Variants in ARHGAP6 observed in about 807,000 individuals in gnomAD.
The protein encoded by ARHGAP6 is Rho GTPase activating protein 6.
ARHGAP6 carries 16 observed loss-of-function variants against 55.7 expected under a neutral mutation model. The ratio of observed to expected loss-of-function variants is 0.29; its 90% CI spans 0.19 to 0.44. ARHGAP6 has a LOEUF of 0.44. Ranked by LOEUF, ARHGAP6 falls within the 20% of genes least tolerant of loss-of-function variation. ARHGAP6 has a pLI of 1.00. For missense variants in ARHGAP6, 698 were observed against 808.9 expected (o/e 0.86, Z 1.66); for synonymous variants, 382 against 360.9 (o/e 1.06, Z -0.66).
chrX:11,416,527 A>C (rs1264907626), intron 1 of ARHGAP6, among the ~76,000 whole-genome samples: 1 of 111,252 alleles, frequency 9.0e-6, no homozygotes, highest in South Asian at 3.9e-4. Flanking sequence ...CCCGATGATA[A>C]GGTTTCACTC....
At chrX:11,463,688 T>C (rs775882457) in intron 1 of ARHGAP6, among the ~76,000 whole-genome samples, 9 of 111,777 alleles carry the variant, frequency 8.1e-5, no homozygotes, top group Non-Finnish European at 1.1e-4. Flanking sequence ...CATGAGTGTG[T>C]CCCCCTGGGA....
At chrX:11,174,103 A>C (rs754028064) in intron 8 of ARHGAP6, among the ~76,000 whole-genome samples, 71 of 112,153 alleles carry the variant, frequency 6.3e-4, no homozygotes, top group African/African-American at 2.2e-3. Flanking sequence ...CTACCTGCTC[A>C]TGCCAAATCA....
chrX:11,503,901 C>T (rs1287099813), intron 1 of ARHGAP6, among the ~76,000 whole-genome samples: 1 of 111,612 alleles, frequency 9.0e-6, no homozygotes, highest in Non-Finnish European at 1.9e-5. Flanking sequence ...CATGCACACA[C>T]ACATCTGTGT....
intron 1 of ARHGAP6, among the ~76,000 whole-genome samples, chrX:11,291,064 A>G (rs960188703): frequency 1.8e-5 from 2 of 112,443 alleles, no homozygotes; most frequent in Non-Finnish European, 3.8e-5. Flanking sequence ...CCTACTACAA[A>G]AAAATGAGCA....
At chrX:11,619,040 T>G (rs1294188868) in intron 1 of ARHGAP6, among the ~76,000 whole-genome samples, 1 of 111,980 alleles carries the variant, frequency 8.9e-6, no homozygotes, top group Non-Finnish European at 1.9e-5. Context: ...AGTAAAAGTT[T>G]TTTTGAAAAA....
At chrX:11,391,394 C>T (rs1603168184) in intron 1 of ARHGAP6, among the ~76,000 whole-genome samples, 1 of 109,813 alleles carries the variant, frequency 9.1e-6, no homozygotes, top group East Asian at 2.8e-4. Context: ...AGCACAGAAA[C>T]ATGGCACATG....
At chrX:11,353,680 A>G (rs1221247268) in intron 1 of ARHGAP6, among the ~76,000 whole-genome samples, 1 of 109,475 alleles carries the variant, frequency 9.1e-6, no homozygotes, top group Non-Finnish European at 1.9e-5. Flanking sequence ...CCGATTTAGG[A>G]TAAGGAGTTT....
At chrX:11,572,001 C>G (rs2051524607) in intron 1 of ARHGAP6, among the ~76,000 whole-genome samples, 1 of 110,736 alleles carries the variant, frequency 9.0e-6, no homozygotes, top group South Asian at 3.9e-4. Flanking sequence ...CTCACAGCCT[C>G]TCAAAGCTGA....
At chrX:11,564,225 C>G (rs1028944039) in intron 1 of ARHGAP6, among the ~76,000 whole-genome samples, 1 of 111,495 alleles carries the variant, frequency 9.0e-6, no homozygotes, top group African/African-American at 3.2e-5. Context: ...GCATGTTAAT[C>G]ATTATAAAAG....
At chrX:11,452,280 T>C (rs2050150389) in intron 1 of ARHGAP6, among the ~76,000 whole-genome samples, 1 of 111,951 alleles carries the variant, frequency 8.9e-6, no homozygotes, top group African/African-American at 3.2e-5. Flanking sequence ...CCTGAGTAGC[T>C]GAGATTACAG....
intron 1 of ARHGAP6, among the ~76,000 whole-genome samples, chrX:11,349,437 G>C (rs1434262189): frequency 9.0e-6 from 1 of 111,427 alleles, no homozygotes; most frequent in African/African-American, 3.3e-5. Flanking sequence ...CATCAGGGCA[G>C]GGGTTTGTGT....
At chrX:11,200,988 G>A (rs751501946) in intron 2 of ARHGAP6, among the ~76,000 whole-genome samples, 16 of 112,072 alleles carry the variant, frequency 1.4e-4, no homozygotes, top group African/African-American at 3.2e-4. Context: ...CTCTTCCGGG[G>A]TGCTGAGCAT....
chrX:11,347,688 T>C (rs1235484586), intron 1 of ARHGAP6, among the ~76,000 whole-genome samples: 1 of 112,288 alleles, frequency 8.9e-6, no homozygotes, highest in Non-Finnish European at 1.9e-5. Flanking sequence ...GAAATGTCCA[T>C]GGCATTCCCA....
chrX:11,320,502 T>C (rs1160978129), intron 1 of ARHGAP6, among the ~76,000 whole-genome samples: 2 of 110,757 alleles, frequency 1.8e-5, no homozygotes, highest in Admixed American at 1.9e-4. Flanking sequence ...AAGGCGGACA[T>C]TGAAAAGGGA....
intron 1 of ARHGAP6, among the ~76,000 whole-genome samples, chrX:11,342,252 G>A (rs933281215): frequency 2.7e-5 from 3 of 111,549 alleles, no homozygotes; most frequent in South Asian, 3.8e-4. Context: ...TTATGGCACC[G>A]GATTATTTAG....
At chrX:11,408,573 C>T (rs1000321164) in intron 1 of ARHGAP6, among the ~76,000 whole-genome samples, 5 of 110,754 alleles carry the variant, frequency 4.5e-5, no homozygotes, top group East Asian at 2.8e-4. Flanking sequence ...AGGAGGTGAC[C>T]GATGCAGCAG....
At chrX:11,408,175 A>T (rs1012894286) in intron 1 of ARHGAP6, among the ~76,000 whole-genome samples, 3 of 111,102 alleles carry the variant, frequency 2.7e-5, no homozygotes, top group Admixed American at 9.6e-5. Flanking sequence ...TAGGTCACAG[A>T]TTGAGACCTC....
At chrX:11,401,266 A>G (rs746934596) in intron 1 of ARHGAP6, among the ~76,000 whole-genome samples, 1 of 112,055 alleles carries the variant, frequency 8.9e-6, no homozygotes, top group East Asian at 2.8e-4. Flanking sequence ...TATCACCTTG[A>G]GTTCAAGTAG....
rs376807472 is a variant in ARHGAP6 at position 11,562,990 on chromosome X, C to G, written c.588+101251G>C. Reference sequence around the variant, plus strand: ...ATTGCCTAATTGTGAAATTTCTATGCCATGTGTATTGGACTAACTTCTGCT... The same window carrying G: ...ATTGCCTAATTGTGAAATTTCTATGGCATGTGTATTGGACTAACTTCTGCT... On this transcript the variant is annotated intron_variant, in intron 1 of 12. Transcript: ENST00000337414. Among the ~76,000 whole-genome samples the G allele has an allele frequency of 3.0e-4, 34 of 111,751 alleles. No individual in the cohort carries two copies. The South Asian group carries it at 8.5e-3, about 28-fold the overall frequency.
Sources: gnomAD v4.1 joint callset for allele counts (sites outside exome capture counted in the v4.1 genomes callset) on GRCh38, gnomAD v4.1.1 for gene constraint, MANE v1.5 for transcripts, NCBI Gene and HGNC (gene_info 2026-07-23, HGNC 2026-07-21) for gene names.